UBAC2: variants seen among roughly 807,000 people sequenced by gnomAD.
UBAC2 encodes the protein UBA domain containing 2.
In UBAC2, 26 loss-of-function variants were observed where a neutral mutation model predicts 44.0. The ratio of observed to expected loss-of-function variants is 0.59; its 90% CI spans 0.43 to 0.82. UBAC2 has a LOEUF of 0.82. Among genes scored for constraint, UBAC2 ranks in the 40% least tolerant of loss-of-function variants. The pLI, the probability that UBAC2 is intolerant of heterozygous loss-of-function variation, is 0.00. For missense variants in UBAC2, 329 were observed against 419.4 expected (o/e 0.78, Z 1.88); for synonymous variants, 155 against 154.3 (o/e 1.00, Z -0.04).
chr13:99,322,049 A>G (rs1246022583), intron 6 of UBAC2, among the ~76,000 whole-genome samples: 1 of 152,254 alleles, frequency 6.6e-6, no homozygotes, highest in Non-Finnish European at 1.5e-5. Context: ...AGTATTTAAA[A>G]TAGGACTTTT....
intron 4 of UBAC2, among the ~76,000 whole-genome samples, chr13:99,297,121 C>G (rs1245699391): frequency 6.6e-6 from 1 of 152,060 alleles, no homozygotes; most frequent in African/African-American, 2.4e-5. Context: ...TGGATTCTTT[C>G]CAATTCTTTT....
intron 8 of UBAC2, among the ~76,000 whole-genome samples, chr13:99,384,069 C>T (rs1452923677): frequency 2.0e-5 from 3 of 152,248 alleles, no homozygotes; most frequent in African/African-American, 7.2e-5. Context: ...CCTCCAGCCA[C>T]CCCATGCCAT....
chr13:99,220,781 C>G (rs991802293), intron 1 of UBAC2, among the ~76,000 whole-genome samples: 1 of 152,064 alleles, frequency 6.6e-6, no homozygotes, highest in Non-Finnish European at 1.5e-5. Context: ...TTACTAGTGA[C>G]TTGCCCCATC....
At chr13:99,315,337 C>G (rs964388155) in intron 5 of UBAC2, among the ~76,000 whole-genome samples, 4 of 152,176 alleles carry the variant, frequency 2.6e-5, no homozygotes, top group African/African-American at 9.7e-5. Context: ...TCGAAGAGCA[C>G]TCCAGACCTC....
At chr13:99,275,037 C>T (rs1176815012) in intron 4 of UBAC2, among the ~76,000 whole-genome samples, 1 of 152,116 alleles carries the variant, frequency 6.6e-6, no homozygotes, top group Non-Finnish European at 1.5e-5. Context: ...TTGAACATGT[C>T]TTTTGTTGCA....
intron 4 of UBAC2, among the ~76,000 whole-genome samples, chr13:99,276,796 A>T (rs1014846989): frequency 1.3e-5 from 2 of 152,244 alleles, no homozygotes; most frequent in Admixed American, 6.5e-5. Context: ...GGGGCTCATT[A>T]TGAAGAAGAA....
rs549443596 is a variant in UBAC2 at position 99,255,443 on chromosome 13, C to A, written c.389+10819C>A. On this transcript the variant is annotated intron_variant, in intron 4 of 8. Coordinates refer to ENST00000403766, the MANE Select transcript of UBAC2 (RefSeq NM_001144072.2). ...GTGGTCAGGGTCATTATCCAGACTC[C>A]CACACACGCCAGCACGGCTTTGCAC... is the stretch of plus-strand genomic sequence containing the variant. 13 of 1,614,004 alleles carry A rather than the reference C, an allele frequency of 8.1e-6. No homozygotes were observed. In the South Asian group the frequency reaches 1.2e-4, roughly 15 times the overall value.
chr13:99,233,029 A>G (rs533719511), intron 1 of UBAC2, among the ~76,000 whole-genome samples: 3 of 152,260 alleles, frequency 2.0e-5, no homozygotes, highest in South Asian at 2.1e-4. Context: ...TCAAAAATAT[A>G]TTTTCTAGCT....
chr13:99,254,736 A>G, intron 4 of UBAC2: 2 of 658,196 alleles, frequency 3.0e-6, no homozygotes, highest in Non-Finnish European at 5.0e-6. Flanking sequence ...AAAATGTTTT[A>G]TATAAGTTTT....
intron 6 of UBAC2, among the ~76,000 whole-genome samples, chr13:99,325,355 G>A (rs973204929): frequency 2.0e-5 from 3 of 151,840 alleles, no homozygotes; most frequent in African/African-American, 7.3e-5. Context: ...CACCCGCCTC[G>A]GCCTCCCAAA....
chr13:99,317,941 G>A lies in UBAC2; in HGVS notation c.514-81G>A, dbSNP rs550583376. 2.3e-3 allele frequency: 2,560 copies of A among 1,124,862 alleles called. 2 individuals are homozygous for A. Among genetic ancestry groups the A allele is most frequent in the Non-Finnish European group, 3.1e-3 (2,405 of 764,704 alleles). The allele number at this position is 1,124,862 out of a possible 1,614,324, so 69.7% of individuals were successfully genotyped here. A position where few individuals can be genotyped will look rare whatever the true frequency, so the allele number is the denominator to read the frequency against. On this transcript the variant is annotated intron_variant, in intron 5 of 8. Transcript: ENST00000403766. Reference sequence around the variant, plus strand: ...ATTAATACTTTATATAAATGGTCATGACTATAGTTATGTAAAAATAAGTGT... The same window carrying A: ...ATTAATACTTTATATAAATGGTCATAACTATAGTTATGTAAAAATAAGTGT...
chr13:99,342,319 T>C (rs4772189), intron 7 of UBAC2, among the ~76,000 whole-genome samples: 127,599 of 152,122 alleles, frequency 0.84, 53,831 homozygotes, highest in Middle Eastern at 0.91. Context: ...TCCTTAAAGT[T>C]CCTACCTTTA....
At chr13:99,286,066 A>G (rs572082381) in intron 4 of UBAC2, among the ~76,000 whole-genome samples, 7 of 152,234 alleles carry the variant, frequency 4.6e-5, no homozygotes, top group Admixed American at 1.3e-4. Context: ...ACCAGTCCTT[A>G]TGTGTTCCAG....
chr13:99,255,818 C>G, intron 4 of UBAC2: 1 of 1,608,338 alleles, frequency 6.2e-7, no homozygotes, highest in Non-Finnish European at 8.5e-7. Context: ...TTGTATTCAT[C>G]TGGATGTGAG....
chr13:99,238,638 T>TA, intron 2 of UBAC2, 84 bp downstream of exon 2: 1 of 1,309,864 alleles, frequency 7.6e-7, no homozygotes, highest in Non-Finnish European at 1.0e-6. Flanking sequence ...TTCCTGCTGT[T>TA]AGTCCCTCAA....
intron 1 of UBAC2, among the ~76,000 whole-genome samples, chr13:99,206,400 C>T (rs751830343): frequency 2.6e-5 from 4 of 152,208 alleles, no homozygotes; most frequent in Non-Finnish European, 5.9e-5. Flanking sequence ...GGAGTTGCGT[C>T]TCTTCCCCTA....
chr13:99,374,473 ATGT>A (rs2045453230), intron 8 of UBAC2, among the ~76,000 whole-genome samples: 1 of 152,164 alleles, frequency 6.6e-6, no homozygotes, highest in East Asian at 1.9e-4. Flanking sequence ...GATTCTGTTT[ATGT>A]CTCTGAGATA....
At chr13:99,371,008 T>TA (rs1333176441) in intron 8 of UBAC2, among the ~76,000 whole-genome samples, 1 of 152,228 alleles carries the variant, frequency 6.6e-6, no homozygotes, top group African/African-American at 2.4e-5. Flanking sequence ...GTTTACTTGA[T>TA]ACAGCAGTGA....
chr13:99,319,382 G>A (rs1221013815), intron 6 of UBAC2, among the ~76,000 whole-genome samples: 1 of 152,138 alleles, frequency 6.6e-6, no homozygotes, highest in African/African-American at 2.4e-5. Flanking sequence ...ACATTTCACT[G>A]CAATCACTGT....
Sources: allele counts gnomAD v4.1 joint callset (sites outside exome capture counted in the v4.1 genomes callset), GRCh38; gene constraint gnomAD v4.1.1; transcripts MANE v1.5; gene names NCBI Gene and HGNC (gene_info 2026-07-23, HGNC 2026-07-21).